DDX19A: variants seen among roughly 807,000 people sequenced by gnomAD.
DDX19A encodes ATP-dependent RNA helicase DDX19A.
DDX19A carries 12 observed loss-of-function variants against 60.6 expected under a neutral mutation model. The observed-to-expected ratio is 0.20, with a 90% CI of 0.13 to 0.32. DDX19A has a LOEUF of 0.32. DDX19A is among the 10% of genes least tolerant of loss of function. The pLI is 1.00. For missense variants in DDX19A, 337 were observed against 600.6 expected (o/e 0.56, Z 4.59); for synonymous variants, 206 against 218.2 (o/e 0.94, Z 0.49).
intron 10 of DDX19A, chr16:70,370,734 G>C: frequency 4.8e-6 from 1 of 207,380 alleles, no homozygotes; most frequent in Admixed American, 5.2e-5. Flanking sequence ...AGTGGCTCAC[G>C]CCTGTAATCC....
intron 10 of DDX19A, chr16:70,370,704 A>G: frequency 4.0e-6 from 1 of 248,608 alleles, no homozygotes; most frequent in Non-Finnish European, 7.7e-6. Flanking sequence ...TCCAAAAAAA[A>G]AAAGGAAGAG....
Position 70,357,378 on chromosome 16 carries a change from T to G in DDX19A, c.293+1131T>G, listed in dbSNP as rs1484952130. 9.0e-4 allele frequency among the ~76,000 whole-genome samples: 73 copies of G among 81,200 alleles called. 1 individual carries two copies. Among genetic ancestry groups the G allele is most frequent in the African/African-American group, 3.2e-3 (68 of 20,970 alleles). 53.3% of individuals were successfully genotyped at this position (81,200 alleles called of 152,430 possible). A position where few individuals can be genotyped will look rare whatever the true frequency, so the allele number is the denominator to read the frequency against. On this transcript the variant is annotated intron_variant, in intron 4 of 11. Transcript: ENST00000302243. ...CTGTTTTTGGTTTGTTTTTTTTTTTTTTTTTTTTTTTTTTTTTTTTTTTTG... is the reference window on the plus strand; with the variant it reads ...CTGTTTTTGGTTTGTTTTTTTTTTTGTTTTTTTTTTTTTTTTTTTTTTTTG...
At chr16:70,362,191 A>T (rs111321834) in intron 5 of DDX19A, among the ~76,000 whole-genome samples, 11,038 of 149,574 alleles carry the variant, frequency 0.074, 1,323 homozygotes, top group African/African-American at 0.26. Flanking sequence ...AAAAAACTAA[A>T]CTAAAAATAC....
At chr16:70,365,695 G>A (rs900648319) in intron 7 of DDX19A, 6 of 263,196 alleles carry the variant, frequency 2.3e-5, no homozygotes, top group African/African-American at 9.1e-5. Context: ...CAGGAGGATC[G>A]CTTGAACCTG....
In DDX19A at chr16:70,350,535, G is replaced by A. The variant is rs540994964; in HGVS notation, c.58-22G>A. ...TTTATTGGGTCCTTTGCTTAACTCT[G>A]TTTTCTTTTATTTCTATTCAGATGA... On this transcript the variant is annotated intron_variant, in intron 1 of 11. Coordinates refer to ENST00000302243, the MANE Select transcript of DDX19A (RefSeq NM_018332.5). 25 of 1,599,630 alleles carry A rather than the reference G, an allele frequency of 1.6e-5. 1 individual carries two copies. The South Asian group carries it at 2.1e-4, about 14-fold the overall frequency.
chr16:70,367,138 C>G (rs1005217076), intron 9 of DDX19A, among the ~76,000 whole-genome samples: 1 of 152,030 alleles, frequency 6.6e-6, no homozygotes, highest in Non-Finnish European at 1.5e-5. Context: ...ATAAAAAATT[C>G]AACAAGATGG....
At chr16:70,349,426 G>A (rs1963945584) in intron 1 of DDX19A, among the ~76,000 whole-genome samples, 1 of 152,160 alleles carries the variant, frequency 6.6e-6, no homozygotes, top group Non-Finnish European at 1.5e-5. Context: ...AAAGAGTTGA[G>A]GCAGACTGAC....
chr16:70,352,777 T>C (rs1208087439), intron 2 of DDX19A, among the ~76,000 whole-genome samples: 3 of 151,880 alleles, frequency 2.0e-5, no homozygotes, highest in African/African-American at 7.3e-5. Context: ...GCTGGGATTA[T>C]AGGCATGTGC....
intron 6 of DDX19A, 66 bp from the exon 7 acceptor site, chr16:70,364,951 C>G (rs1964471982): frequency 1.6e-6 from 2 of 1,220,460 alleles, no homozygotes; most frequent in Admixed American, 3.4e-5. Context: ...CATCAGCATA[C>G]TGGGTGCCTT....
At position 70,372,948 on chromosome 16, in the gene DDX19A, A is replaced by G. The variant is rs1853892687; in HGVS notation, c.*962A>G. 1 of 152,216 alleles carries G rather than the reference A, an allele frequency of 6.6e-6. No homozygotes were observed. Among genetic ancestry groups the G allele is most frequent in the Non-Finnish European group, 1.5e-5 (1 of 68,058 alleles). 9.4% of individuals were successfully genotyped at this position (152,216 alleles called of 1,614,324 possible). Reference sequence around the variant, plus strand: ...TCCTACATAATATGAATAAGGATGGATAGGCCGGGCGTGGTGGCTCATGCC... The same window carrying G: ...TCCTACATAATATGAATAAGGATGGGTAGGCCGGGCGTGGTGGCTCATGCC... On this transcript the variant is annotated 3_prime_UTR_variant, in exon 12 of 12. Coordinates refer to ENST00000302243, the MANE Select transcript of DDX19A (RefSeq NM_018332.5).
chr16:70,371,170 G>A (rs1964675958), intron 10 of DDX19A: 1 of 858,820 alleles, frequency 1.2e-6, no homozygotes, highest in Non-Finnish European at 1.8e-6. Flanking sequence ...TCATGATTTT[G>A]TTGGCACTTG....
intron 4 of DDX19A, chr16:70,360,852 A>C (rs1964344057): frequency 6.4e-6 from 1 of 155,760 alleles, no homozygotes; most frequent in African/African-American, 2.4e-5. Context: ...CCTGAGCTCA[A>C]GTGAGCCTCC....
chr16:70,369,834 C>T (rs1020494140), intron 9 of DDX19A, among the ~76,000 whole-genome samples: 1 of 151,898 alleles, frequency 6.6e-6, no homozygotes, highest in Non-Finnish European at 1.5e-5. Context: ...TGGTCTCGAA[C>T]TCCTGAGTTC....
chr16:70,372,981 C>G lies in DDX19A; in HGVS notation c.*995C>G, dbSNP rs986506983. On this transcript the variant is annotated 3_prime_UTR_variant, in exon 12 of 12. Coordinates refer to ENST00000302243, the MANE Select transcript of DDX19A (RefSeq NM_018332.5). Reference sequence around the variant, plus strand: ...GGCGTGGTGGCTCATGCCTATAATCCCAGCACGTTGGGAGGCTGAGGCGGG... The same window carrying G: ...GGCGTGGTGGCTCATGCCTATAATCGCAGCACGTTGGGAGGCTGAGGCGGG... 6.6e-6 allele frequency: 1 copy of G among 152,184 alleles called. No individual in the cohort carries two copies. Among genetic ancestry groups the G allele is most frequent in the Non-Finnish European group, 1.5e-5 (1 of 68,060 alleles). 9.4% of individuals were successfully genotyped at this position (152,184 alleles called of 1,614,324 possible). A position where few individuals can be genotyped will look rare whatever the true frequency, so the allele number is the denominator to read the frequency against.
chr16:70,347,832 A>G, intron 1 of DDX19A: 1 of 262,126 alleles, frequency 3.8e-6, no homozygotes, highest in South Asian at 2.8e-5. Flanking sequence ...CTGGGATTAC[A>G]GGCATGCGCC....
At chr16:70,367,150 C>T (rs1047461628) in intron 9 of DDX19A, among the ~76,000 whole-genome samples, 5 of 152,106 alleles carry the variant, frequency 3.3e-5, no homozygotes, top group East Asian at 1.9e-4. Flanking sequence ...ACAAGATGGC[C>T]GGGTACGGTG....
At chr16:70,358,442 T>C (rs1964278134) in intron 4 of DDX19A, among the ~76,000 whole-genome samples, 2 of 151,922 alleles carry the variant, frequency 1.3e-5, no homozygotes, top group South Asian at 4.1e-4. Flanking sequence ...ATTGCTAGGA[T>C]TACAGGTGTG....
intron 5 of DDX19A, chr16:70,361,733 C>A: frequency 2.3e-6 from 1 of 434,716 alleles, no homozygotes; most frequent in Non-Finnish European, 4.1e-6. Context: ...TTATTCCATG[C>A]TATCTTAAAA....
chr16:70,361,969 G>A (rs1377942402), intron 5 of DDX19A, among the ~76,000 whole-genome samples: 2 of 151,556 alleles, frequency 1.3e-5, no homozygotes, highest in East Asian at 3.9e-4. Context: ...TCAGTAATTC[G>A]AGACCAGCCT....
Sources: allele counts gnomAD v4.1 joint callset (sites outside exome capture counted in the v4.1 genomes callset), GRCh38; gene constraint gnomAD v4.1.1; transcripts MANE v1.5; gene names NCBI Gene and HGNC (gene_info 2026-07-23, HGNC 2026-07-21).